The following RSRC1 variants were observed in gnomAD, a reference collection of about 807,000 sequenced individuals.
RSRC1 encodes the protein arginine and serine rich coiled-coil 1, also known as serine/Arginine-related protein 53.
A neutral mutation model predicts 49.1 loss-of-function variants in RSRC1; 39 were observed. The ratio of observed to expected loss-of-function variants is 0.79; its 90% CI spans 0.61 to 1.04. The LOEUF (loss-of-function observed/expected upper bound fraction) is 1.04, where lower values mean the gene tolerates loss of function less well. Ranked by LOEUF, RSRC1 falls within the 50% of genes least tolerant of loss-of-function variation. The probability of loss-of-function intolerance (pLI) is 0.00; values close to 1 mark genes in which losing one functional copy is unlikely to be tolerated. For missense variants in RSRC1, 388 were observed against 402.4 expected, an observed-to-expected ratio of 0.96 and a Z score of 0.31; for synonymous variants, 143 against 130.8, an observed-to-expected ratio of 1.09 and a Z score of -0.63.
chr3:158,148,565 C>T (rs1717314686), intron 3 of RSRC1, among the ~76,000 whole-genome samples: 1 of 152,034 alleles, frequency 6.6e-6, no homozygotes, highest in Non-Finnish European at 1.5e-5. Flanking sequence ...ATTGGGGTTA[C>T]TAACTACTTT....
intron 5 of RSRC1, among the ~76,000 whole-genome samples, chr3:158,331,473 G>A (rs1729540817): frequency 6.6e-6 from 1 of 151,870 alleles, no homozygotes; most frequent in South Asian, 2.1e-4. Flanking sequence ...TTTTATTTTA[G>A]TTCTGTGTTG....
At chr3:158,396,568 CA>C (rs1210906856) in intron 6 of RSRC1, among the ~76,000 whole-genome samples, 1 of 152,076 alleles carries the variant, frequency 6.6e-6, no homozygotes, top group African/African-American at 2.4e-5. Context: ...TAGTCTGAAA[CA>C]AGTTCACATC....
At chr3:158,337,383 G>T (rs899789393) in intron 5 of RSRC1, among the ~76,000 whole-genome samples, 13 of 152,202 alleles carry the variant, frequency 8.5e-5, no homozygotes, top group African/African-American at 2.9e-4. Flanking sequence ...GGGTAAGAGA[G>T]TCTCAGACTA....
intron 7 of RSRC1, among the ~76,000 whole-genome samples, chr3:158,508,367 A>G (rs1042709207): frequency 6.6e-6 from 1 of 151,148 alleles, no homozygotes; most frequent in Non-Finnish European, 1.5e-5. Flanking sequence ...GTGTCTCTGT[A>G]TGTCACATTT....
At chr3:158,459,503 C>T (rs746151547) in intron 6 of RSRC1, among the ~76,000 whole-genome samples, 12 of 151,896 alleles carry the variant, frequency 7.9e-5, no homozygotes, top group Admixed American at 6.6e-4. Context: ...TGAATCTGAG[C>T]GGGATAATTT....
At chr3:158,504,420 A>G (rs141695540) in intron 7 of RSRC1, among the ~76,000 whole-genome samples, 420 of 152,316 alleles carry the variant, frequency 2.8e-3, no homozygotes, top group African/African-American at 9.9e-3. Flanking sequence ...TCAGGCTACT[A>G]TGAAAATATT....
chr3:158,122,334 G>T, intron 2 of RSRC1, 36 bp downstream of exon 2: 1 of 1,312,468 alleles, frequency 7.6e-7, no homozygotes, highest in Non-Finnish European at 1.0e-6. Flanking sequence ...TAGTAATGAG[G>T]ATAACATTCT....
intron 6 of RSRC1, among the ~76,000 whole-genome samples, chr3:158,422,538 G>T (rs947349603): frequency 6.6e-6 from 1 of 150,996 alleles, no homozygotes; most frequent in Non-Finnish European, 1.5e-5. Context: ...ATAAACATAC[G>T]TGTGCATGTG....
chr3:158,432,207 T>G (rs73028779), intron 6 of RSRC1, among the ~76,000 whole-genome samples: 2,573 of 152,056 alleles, frequency 0.017, 65 homozygotes, highest in African/African-American at 0.059. Flanking sequence ...AAGGCAGATT[T>G]ATGAAGAAAA....
intron 4 of RSRC1, among the ~76,000 whole-genome samples, chr3:158,283,129 G>T (rs1726276546): frequency 6.6e-6 from 1 of 151,980 alleles, no homozygotes; most frequent in Non-Finnish European, 1.5e-5. Context: ...AAATTACGTA[G>T]ATGGTATAAG....
chr3:158,264,422 T>A (rs1725058758), intron 4 of RSRC1, among the ~76,000 whole-genome samples: 1 of 152,226 alleles, frequency 6.6e-6, no homozygotes. Flanking sequence ...TATTTAGACT[T>A]CTTTTATGGC....
In RSRC1 at chr3:158,204,286, C is replaced by T. The variant is rs967387947; in HGVS notation, c.494+1041C>T. 3.0e-4 allele frequency among the ~76,000 whole-genome samples: 45 copies of T among 151,956 alleles called. 1 individual carries two copies. Among genetic ancestry groups the T allele is most frequent in the African/African-American group, 1.0e-3 (43 of 41,440 alleles). On this transcript the variant is annotated intron_variant, in intron 4 of 9. Coordinates refer to ENST00000611884, the MANE Select transcript of RSRC1 (RefSeq NM_001271838.2). ...TTATAGTGATGTTATATAAATCTGC[C>T]TAGATTGTTGGCTTTTAAGTATTCT...
intron 7 of RSRC1, among the ~76,000 whole-genome samples, chr3:158,487,486 T>C (rs1041875708): frequency 6.6e-6 from 1 of 152,172 alleles, no homozygotes; most frequent in Non-Finnish European, 1.5e-5. Context: ...CTCTTGATGT[T>C]ATTGTCTATT....
chr3:158,516,115 G>A (rs1467205749), intron 7 of RSRC1, among the ~76,000 whole-genome samples: 35 of 152,208 alleles, frequency 2.3e-4, no homozygotes, highest in South Asian at 4.1e-4. Context: ...GTCATTCTCC[G>A]TCCAGCTTTG....
intron 3 of RSRC1, among the ~76,000 whole-genome samples, chr3:158,141,264 G>A (rs1212036077): frequency 1.3e-5 from 2 of 152,162 alleles, no homozygotes; most frequent in Non-Finnish European, 2.9e-5. Context: ...GATCATGGCA[G>A]GAAAATCTGG....
chr3:158,284,034 C>T (rs1726346743), intron 4 of RSRC1, among the ~76,000 whole-genome samples: 1 of 150,576 alleles, frequency 6.6e-6, no homozygotes, highest in Admixed American at 6.6e-5. Context: ...AATGCTATCC[C>T]TCCCCCCTTC....
chr3:158,336,190 A>T (rs1043607943), intron 5 of RSRC1, among the ~76,000 whole-genome samples: 8 of 152,262 alleles, frequency 5.3e-5, no homozygotes, highest in Admixed American at 2.6e-4. Flanking sequence ...ACTGCAAGTC[A>T]GCTGGGAACA....
At chr3:158,443,306 G>GA in intron 6 of RSRC1, among the ~76,000 whole-genome samples, 1 of 152,244 alleles carries the variant, frequency 6.6e-6, no homozygotes, top group Non-Finnish European at 1.5e-5. Context: ...TGTCTGCATT[G>GA]AAAATCTGTC....
chr3:158,263,293 T>C (rs1247824687), intron 4 of RSRC1, among the ~76,000 whole-genome samples: 3 of 152,154 alleles, frequency 2.0e-5, no homozygotes, highest in Admixed American at 1.3e-4. Flanking sequence ...TATACTGCTT[T>C]TCTTTTTAAA....
Sources: allele counts gnomAD v4.1 joint callset (sites outside exome capture counted in the v4.1 genomes callset), GRCh38; gene constraint gnomAD v4.1.1; transcripts MANE v1.5; gene names NCBI Gene and HGNC (gene_info 2026-07-23, HGNC 2026-07-21).